SNCAIP: variants seen among roughly 807,000 people sequenced by gnomAD.
The protein encoded by SNCAIP is synphilin-1.
A neutral mutation model predicts 86.7 loss-of-function variants in SNCAIP; 43 were observed. That is an observed-to-expected ratio of 0.50 (90% confidence interval 0.39 to 0.64). SNCAIP has a LOEUF of 0.64. Among genes scored for constraint, SNCAIP ranks in the 30% least tolerant of loss-of-function variants. SNCAIP has a pLI of 0.00. For missense variants in SNCAIP, 981 were observed against 1,103.1 expected, an observed-to-expected ratio of 0.89 and a Z score of 1.57; for synonymous variants, 417 against 427.2, an observed-to-expected ratio of 0.98 and a Z score of 0.29.
At chr5:122,460,523 CTCTCTTTCCT>C (rs1312869893) in intron 10 of SNCAIP, among the ~76,000 whole-genome samples, 3 of 152,040 alleles carry the variant, frequency 2.0e-5, no homozygotes, top group South Asian at 4.2e-4. Context: ...CTCTCTTTCC[CTCTCTTTCCT>C]ATCTCTCACA....
At chr5:122,402,312 C>A (rs1156621261) in intron 2 of SNCAIP, among the ~76,000 whole-genome samples, 1 of 152,064 alleles carries the variant, frequency 6.6e-6, no homozygotes, top group South Asian at 2.1e-4. Context: ...CTGTGCTACC[C>A]CAGACCCCCA....
chr5:122,423,617 C>G lies in SNCAIP; in HGVS notation c.880C>G (p.Pro294Ala). ...HLQSSAAESK[P>A]EEQVSGLNRT... ...ACAATCCTCAGCAGCAGAATCCAAA[C>G]CAGAAGAGCAGGTCAGTGGCCTAAA... The change falls in exon 4 of 11, where the codon CCA (proline) becomes GCA (alanine). Residue 294 changes from proline to alanine, a missense_variant. Physicochemically the swap from Pro to Ala is conservative, Grantham distance 27 (BLOSUM62 -1). Transcript: ENST00000261368. The G allele has an allele frequency of 6.2e-7, 1 of 1,613,958 alleles. No homozygotes were observed. The highest frequency in any genetic ancestry group is 8.5e-7 in the Non-Finnish European group (1 of 1,180,030).
At chr5:122,408,859 T>C (rs1043427706) in intron 3 of SNCAIP, among the ~76,000 whole-genome samples, 3 of 152,196 alleles carry the variant, frequency 2.0e-5, no homozygotes, top group Admixed American at 6.5e-5. Context: ...AAAATAATTA[T>C]CAGAGGGAGA....
At chr5:122,431,789 G>T (rs191239445) in intron 5 of SNCAIP, among the ~76,000 whole-genome samples, 180 bp from the exon 6 acceptor site, 1 of 151,850 alleles carries the variant, frequency 6.6e-6, no homozygotes, top group Non-Finnish European at 1.5e-5. Context: ...AATTGATTTC[G>T]AGCCAAATCC....
At chr5:122,425,593 C>A in intron 5 of SNCAIP, 62 bp downstream of exon 5, 1 of 1,381,078 alleles carries the variant, frequency 7.2e-7, no homozygotes, top group Non-Finnish European at 1.0e-6. Context: ...TTTAAGATTC[C>A]TTGTGAGCTA....
chr5:122,385,680 TG>T (rs1341555116), intron 1 of SNCAIP, among the ~76,000 whole-genome samples: 1 of 111,902 alleles, frequency 8.9e-6, no homozygotes, highest in Admixed American at 8.3e-5. Flanking sequence ...CGTATGTGTG[TG>T]TGTGTGTGTG....
chr5:122,384,511 C>T (rs1468662004), intron 1 of SNCAIP, among the ~76,000 whole-genome samples: 1 of 152,176 alleles, frequency 6.6e-6, no homozygotes, highest in East Asian at 1.9e-4. Context: ...GAGGCAATTA[C>T]AGAACCTCTC....
chr5:122,450,692 T>A lies in SNCAIP; in HGVS notation c.1845T>A (p.Asp615Glu), dbSNP rs770703051. 1 of 1,614,172 alleles carries A rather than the reference T, an allele frequency of 6.2e-7. No individual in the cohort carries two copies. Among genetic ancestry groups the A allele is most frequent in the Admixed American group, 1.7e-5 (1 of 60,030 alleles). The part of the protein sequence containing the change: ...SRARPKAKDE[D>E]SDKILRQLLG... The stretch of plus-strand genomic sequence containing the variant: ...CTAGACCCAAAGCAAAAGATGAAGA[T>A]TCTGATAAAATCTTACGCCAGTTAT... The change falls in exon 10 of 11, where the codon GAT becomes GAA. Residue 615 changes from aspartate (D) to glutamate (E), a missense_variant. Physicochemically the swap from Asp to Glu is conservative, Grantham distance 45. Coordinates refer to ENST00000261368, the MANE Select transcript of SNCAIP (RefSeq NM_005460.4).
chr5:122,442,001 T>C (rs1340962268), intron 7 of SNCAIP, among the ~76,000 whole-genome samples: 1 of 152,126 alleles, frequency 6.6e-6, no homozygotes, highest in African/African-American at 2.4e-5. Flanking sequence ...CAACATATGG[T>C]TGAAGGTCAT....
intron 1 of SNCAIP, among the ~76,000 whole-genome samples, chr5:122,383,212 C>G (rs1328244816): frequency 6.6e-6 from 1 of 152,240 alleles, no homozygotes; most frequent in Non-Finnish European, 1.5e-5. Flanking sequence ...GCGTAGGACC[C>G]TCCGAGCCAG....
rs540626344 is a variant in SNCAIP at position 122,329,896 on chromosome 5, G to C, written c.-47+17612G>C. On this transcript the variant is annotated intron_variant, in intron 1 of 10. Coordinates refer to ENST00000261368, the MANE Select transcript of SNCAIP (RefSeq NM_005460.4). ...TTAGGAGTTGTCAATGGAGACTAAC[G>C]GTTAAAAGTGTGGACCCTGGGATTA... Among the ~76,000 whole-genome samples, 3 of 152,122 alleles carry C rather than the reference G, an allele frequency of 2.0e-5. No homozygotes were observed. In the East Asian group the frequency reaches 5.8e-4, roughly 29 times the overall value.
rs749618588 is a variant in SNCAIP, at chr5:122,422,947, C to T, written c.210C>T (p.Tyr70=). ...AGCCCACAGGAATCGCTGATGTGTA[C>T]AGTAAGTTCCGCCCAGTGAAGCGGG... ...TQKPTGIADV[Y]SKFRPVKRVS... The change falls in exon 4 of 11, where the codon TAC becomes TAT. Residue 70 remains tyrosine (Y), a synonymous_variant. Transcript: ENST00000261368. 2 of 1,614,112 alleles carry T rather than the reference C, an allele frequency of 1.2e-6. No homozygotes were observed. Among genetic ancestry groups the T allele is most frequent in the South Asian group, 2.2e-5 (2 of 91,076 alleles).
intron 1 of SNCAIP, among the ~76,000 whole-genome samples, chr5:122,314,082 C>T (rs1040735210): frequency 1.3e-5 from 2 of 152,180 alleles, no homozygotes; most frequent in Non-Finnish European, 2.9e-5. Context: ...GTGACTAAAG[C>T]AAATGCATTT....
At chr5:122,340,667 C>T (rs887061392) in intron 1 of SNCAIP, among the ~76,000 whole-genome samples, 1 of 152,172 alleles carries the variant, frequency 6.6e-6, no homozygotes, top group African/African-American at 2.4e-5. Flanking sequence ...ATTGACATTG[C>T]ATACTATCCT....
intron 1 of SNCAIP, among the ~76,000 whole-genome samples, chr5:122,386,535 T>C (rs1768163618): frequency 6.6e-6 from 1 of 152,204 alleles, no homozygotes; most frequent in African/African-American, 2.4e-5. Flanking sequence ...TGAGTGTAGT[T>C]GATGCTGTTT....
chr5:122,368,475 C>A (rs1475355952), intron 1 of SNCAIP, among the ~76,000 whole-genome samples: 1 of 152,190 alleles, frequency 6.6e-6, no homozygotes, highest in Non-Finnish European at 1.5e-5. Context: ...CTCCCCATTT[C>A]TACTCAAGCC....
intron 3 of SNCAIP, 76 bp downstream of exon 3, chr5:122,403,941 A>G: frequency 1.9e-6 from 2 of 1,069,496 alleles, no homozygotes; most frequent in Non-Finnish European, 2.9e-6. Flanking sequence ...TTTTCCTCAC[A>G]CTGGTCCCCC....
intron 1 of SNCAIP, among the ~76,000 whole-genome samples, chr5:122,323,687 C>T (rs1278280289): frequency 1.3e-5 from 2 of 152,152 alleles, no homozygotes; most frequent in African/African-American, 4.8e-5. Flanking sequence ...GTTAGAGTTA[C>T]CACGAAAATA....
intron 1 of SNCAIP, among the ~76,000 whole-genome samples, chr5:122,315,045 G>A (rs10052918): frequency 0.27 from 40,897 of 152,088 alleles, 6,550 homozygotes; most frequent in African/African-American, 0.46. Flanking sequence ...GAGTGATCAA[G>A]GTAGCTTAAA....
Sources: allele counts gnomAD v4.1 joint callset (sites outside exome capture counted in the v4.1 genomes callset), GRCh38; gene constraint gnomAD v4.1.1; transcripts MANE v1.5; gene names NCBI Gene and HGNC (gene_info 2026-07-23, HGNC 2026-07-21).